The following CDH12 variants were observed in gnomAD, a reference collection of about 807,000 sequenced individuals.
CDH12 encodes cadherin 12, also known as cadherin-12.
In CDH12, 41 loss-of-function variants were observed where a neutral mutation model predicts 74.1. That is an observed-to-expected ratio of 0.55 (90% confidence interval 0.43 to 0.72). CDH12 has a LOEUF of 0.72. Among genes scored for constraint, CDH12 ranks in the 30% least tolerant of loss-of-function variants. The pLI is 0.00. For missense variants in CDH12, 945 were observed against 977.2 expected, an observed-to-expected ratio of 0.97 and a Z score of 0.44; for synonymous variants, 399 against 355.0, an observed-to-expected ratio of 1.12 and a Z score of -1.39.
At chr5:22,597,033 G>A (rs554560617) in intron 1 of CDH12, among the ~76,000 whole-genome samples, 3 of 152,152 alleles carry the variant, frequency 2.0e-5, no homozygotes, top group East Asian at 1.9e-4. Context: ...TTGGAGAATC[G>A]CTGGATTACT....
At chr5:22,785,863 T>C (rs1747597306) in intron 1 of CDH12, among the ~76,000 whole-genome samples, 1 of 152,078 alleles carries the variant, frequency 6.6e-6, no homozygotes, top group Non-Finnish European at 1.5e-5. Flanking sequence ...TTACACACTG[T>C]TTTAGGGGGT....
At chr5:22,619,555 T>C (rs1201629509) in intron 1 of CDH12, among the ~76,000 whole-genome samples, 1 of 152,040 alleles carries the variant, frequency 6.6e-6, no homozygotes, top group African/African-American at 2.4e-5. Flanking sequence ...AAATCTTTTA[T>C]TTTTTTAAAT....
intron 1 of CDH12, among the ~76,000 whole-genome samples, chr5:22,619,108 A>T (rs1038003990): frequency 8.6e-5 from 13 of 151,948 alleles, no homozygotes; most frequent in Non-Finnish European, 4.4e-5. Context: ...TATTTTTCCT[A>T]TTTGTGTGAG....
chr5:22,317,175 A>G (rs1211987607), intron 3 of CDH12, among the ~76,000 whole-genome samples: 5 of 152,076 alleles, frequency 3.3e-5, no homozygotes, highest in Admixed American at 1.3e-4. Context: ...GAAATTATTC[A>G]GGTGTACTGG....
intron 3 of CDH12, among the ~76,000 whole-genome samples, chr5:22,287,918 A>T (rs1194010187): frequency 6.6e-6 from 1 of 152,158 alleles, no homozygotes; most frequent in African/African-American, 2.4e-5. Flanking sequence ...CTTTTCTAAG[A>T]TATGGCTATT....
At chr5:21,946,280 G>T (rs1002003821) in intron 6 of CDH12, among the ~76,000 whole-genome samples, 1 of 152,020 alleles carries the variant, frequency 6.6e-6, no homozygotes, top group East Asian at 1.9e-4. Context: ...AAACAGAAAA[G>T]AAATGATAAA....
At chr5:21,959,948 C>T (rs1241703636) in intron 6 of CDH12, among the ~76,000 whole-genome samples, 2 of 141,094 alleles carry the variant, frequency 1.4e-5, no homozygotes, top group Non-Finnish European at 3.0e-5. Flanking sequence ...AAAAAAAAGA[C>T]GAAGTGCATT....
intron 4 of CDH12, among the ~76,000 whole-genome samples, chr5:22,100,485 G>A (rs1187644258): frequency 2.0e-5 from 3 of 152,086 alleles, no homozygotes; most frequent in African/African-American, 7.2e-5. Flanking sequence ...AGTCTCACGA[G>A]ACATTTTTGT....
chr5:21,847,545 C>A (rs182396843), intron 7 of CDH12, among the ~76,000 whole-genome samples: 47 of 152,184 alleles, frequency 3.1e-4, no homozygotes, highest in Admixed American at 1.9e-3. Context: ...TCCTCTAAGG[C>A]AGTAGCAGAT....
rs922528111 is a variant in CDH12 at position 22,574,136 on chromosome 5, G to A, written c.-522-68772C>T. ...GCTCTGTCTCCTAGGCTGGAGTGCA[G>A]TGGCGTGATCTCAGCTCACTGCAAC... is the stretch of plus-strand genomic sequence containing the variant. On this transcript the variant is annotated intron_variant, in intron 1 of 14. Transcript: ENST00000382254. Among the ~76,000 whole-genome samples, 3 of 131,864 alleles carry A rather than the reference G, an allele frequency of 2.3e-5. No individual in the cohort carries two copies. The Admixed American group carries it at 2.6e-4, about 12-fold the overall frequency. 86.5% of individuals were successfully genotyped at this position (131,864 alleles called of 152,430 possible).
chr5:22,023,569 T>TTC lies in CDH12; in HGVS notation c.232-48186_232-48185dup, dbSNP rs79396717. Among the ~76,000 whole-genome samples the TTC allele has an allele frequency of 8.6e-3, 1,289 of 150,698 alleles. 22 individuals are homozygous for TTC. Among genetic ancestry groups the TTC allele is most frequent in the African/African-American group, 0.031 (1,243 of 40,556 alleles). On this transcript the variant is annotated intron_variant, in intron 5 of 14. Transcript: ENST00000382254. The stretch of plus-strand genomic sequence containing the variant: ...TTGTATATATATATACACACGAATA[T>TTC]TCTCTCTCTCTATATATATATATAC...
chr5:21,883,792 T>C lies in CDH12; in HGVS notation c.527-29002A>G, dbSNP rs890951090. ...TGGCTGGCAAAACTTTCAGATGGAG[T>C]AGTTGTGCTGAAGTTTGGTGGGACA... On this transcript the variant is annotated intron_variant, in intron 6 of 14. Transcript: ENST00000382254. 3 of 1,573,798 alleles carry C rather than the reference T, an allele frequency of 1.9e-6. No homozygotes were observed. The African/African-American group carries it at 4.1e-5, about 21-fold the overall frequency.
At chr5:22,694,837 T>G (rs1742268413) in intron 1 of CDH12, among the ~76,000 whole-genome samples, 1 of 151,816 alleles carries the variant, frequency 6.6e-6, no homozygotes, top group Admixed American at 6.6e-5. Flanking sequence ...ATGTATATAA[T>G]TTTACTTTAG....
chr5:22,594,757 G>A (rs1376254070), intron 1 of CDH12, among the ~76,000 whole-genome samples: 1 of 152,108 alleles, frequency 6.6e-6, no homozygotes, highest in East Asian at 1.9e-4. Context: ...GAAATGATTT[G>A]TTTATTGCAT....
chr5:22,590,685 C>G (rs565392215), intron 1 of CDH12, among the ~76,000 whole-genome samples: 1 of 152,248 alleles, frequency 6.6e-6, no homozygotes, highest in South Asian at 2.1e-4. Context: ...TTGTCTTATT[C>G]TAAAAACAAT....
chr5:22,442,845 G>T (rs188777705), intron 2 of CDH12, among the ~76,000 whole-genome samples: 1 of 152,120 alleles, frequency 6.6e-6, no homozygotes, highest in African/African-American at 2.4e-5. Context: ...CTTCTGGTTC[G>T]CAACTTGGGT....
intron 1 of CDH12, among the ~76,000 whole-genome samples, chr5:22,575,928 T>C (rs925000744): frequency 2.0e-5 from 3 of 152,036 alleles, no homozygotes; most frequent in Admixed American, 6.6e-5. Context: ...GTGCAGGGTT[T>C]CTACAGGCTG....
intron 3 of CDH12, among the ~76,000 whole-genome samples, chr5:22,294,158 G>A (rs1737524261): frequency 2.0e-5 from 3 of 152,062 alleles, no homozygotes; most frequent in Non-Finnish European, 4.4e-5. Context: ...AAAAATAGAT[G>A]TGAGATAGAG....
intron 6 of CDH12, among the ~76,000 whole-genome samples, chr5:21,913,738 T>C (rs1379707842): frequency 6.6e-6 from 1 of 152,064 alleles, no homozygotes; most frequent in Non-Finnish European, 1.5e-5. Context: ...TGCAGTGAAA[T>C]GATCACAGCT....
Sources: gnomAD v4.1 joint callset for allele counts (sites outside exome capture counted in the v4.1 genomes callset) on GRCh38, gnomAD v4.1.1 for gene constraint, MANE v1.5 for transcripts, NCBI Gene and HGNC (gene_info 2026-07-23, HGNC 2026-07-21) for gene names.